ADSS1: variants seen among roughly 807,000 people sequenced by gnomAD.
ADSS1 encodes adenylosuccinate synthase 1, also known as adenylosuccinate synthetase isozyme 1.
Under a neutral mutation model 59.1 loss-of-function variants are expected in ADSS1, and 57 were observed. The ratio of observed to expected loss-of-function variants is 0.97; its 90% CI spans 0.78 to 1.20. ADSS1 has a LOEUF of 1.20. Ranked by LOEUF, ADSS1 falls within the 50% of genes most tolerant of loss-of-function variation. The pLI, the probability that ADSS1 is intolerant of heterozygous loss-of-function variation, is 0.00. For synonymous variants in ADSS1, 247 were observed against 249.4 expected (o/e 0.99, Z 0.09); for missense variants, 603 against 610.3 (o/e 0.99, Z 0.13).
In ADSS1 at chr14:104,738,391, T is replaced by C. The variant is rs2140796535; in HGVS notation, c.311T>C (p.Ile104Thr). ...TCTCATGCAGGCAACGGGGTGGTCA[T>C]CCACTTGCCAGGCTTGTTTGAGGAA... Reference protein sequence around the residue: ...AVSFIGNGVVIHLPGLFEEAE... With the variant: ...AVSFIGNGVVTHLPGLFEEAE... Residue 104 changes from isoleucine (I) to threonine (T), a missense_variant, in exon 3 of 13, where the codon ATC becomes ACC. By Grantham distance (89) the Ile-to-Thr change is moderately conservative. Coordinates refer to ENST00000330877, the MANE Select transcript of ADSS1 (RefSeq NM_152328.5). 6.2e-7 allele frequency: 1 copy of C among 1,613,998 alleles called. No individual in the cohort carries two copies. The highest frequency in any genetic ancestry group is 2.2e-5 in the East Asian group (1 of 44,870).
Position 104,740,521 on chromosome 14 carries a change from C to G in ADSS1, c.477-80C>G. 1 of 1,299,064 alleles carries G rather than the reference C, an allele frequency of 7.7e-7. No homozygotes were observed. Among genetic ancestry groups the G allele is most frequent in the Non-Finnish European group, 1.1e-6 (1 of 916,414 alleles). 80.5% of individuals were successfully genotyped at this position (1,299,064 alleles called of 1,614,324 possible). A position where few individuals can be genotyped will look rare whatever the true frequency, so the allele number is the denominator to read the frequency against. On this transcript the variant is annotated intron_variant, in intron 5 of 12. Coordinates refer to ENST00000330877, the MANE Select transcript of ADSS1 (RefSeq NM_152328.5). The surrounding 1 kb of genome is among the most constrained non-coding windows in gnomAD (Gnocchi z 4.8). ...GGTGGGCACTGGAGTCATGAGCCGG[C>G]GGGGGTCATGGCCTCAGTGGGATGC...
intron 1 of ADSS1, chr14:104,730,313 A>T: frequency 5.4e-6 from 7 of 1,288,204 alleles, no homozygotes; most frequent in Non-Finnish European, 7.2e-6. Flanking sequence ...GGCCAAGTGA[A>T]ACCCGGTTTC....
chr14:104,724,278 G>A lies in ADSS1; in HGVS notation c.8G>A (p.Gly3Glu). The change falls in exon 1 of 13, where the codon GGG becomes GAG. Residue 3 changes from glycine (G) to glutamate (E), a missense_variant. Coordinates refer to ENST00000330877, the MANE Select transcript of ADSS1 (RefSeq NM_152328.5). The stretch of plus-strand genomic sequence containing the variant: ...CGGAAGAGCCAAGCCAGCATGTCGG[G>A]GACCCGAGCCTCCAACGACCGGCCC... MS[G>E]TRASNDRPPG... is the part of the protein sequence containing the mutation. 2.4e-6 allele frequency: 3 copies of A among 1,229,852 alleles called. No homozygotes were observed. Among genetic ancestry groups the A allele is most frequent in the Non-Finnish European group, 3.0e-6 (3 of 985,230 alleles). 76.2% of individuals were successfully genotyped at this position (1,229,852 alleles called of 1,614,324 possible).
intron 3 of ADSS1, 142 bp from the exon 4 acceptor site, chr14:104,739,186 C>A: frequency 1.2e-6 from 1 of 807,320 alleles, no homozygotes; most frequent in Non-Finnish European, 2.0e-6. Flanking sequence ...GCTTGCTGCG[C>A]AACAGAGGTG....
chr14:104,737,988 T>C, intron 2 of ADSS1: 1 of 240,834 alleles, frequency 4.2e-6, no homozygotes, highest in South Asian at 5.0e-5. Flanking sequence ...TGGGTTGTTT[T>C]TTGTTGTTGT....
At chr14:104,730,247 A>C (rs1002943384) in intron 1 of ADSS1, 2 of 1,455,682 alleles carry the variant, frequency 1.4e-6, no homozygotes, top group Admixed American at 2.4e-5. Context: ...TAACTCCAGC[A>C]CTTTGGGAGG....
chr14:104,729,481 G>C (rs1180738530), intron 1 of ADSS1, among the ~76,000 whole-genome samples: 2 of 151,862 alleles, frequency 1.3e-5, no homozygotes. Flanking sequence ...CATGGCGTCG[G>C]CGTGGGAGGG....
chr14:104,738,749 G>A (rs1891218885), intron 3 of ADSS1, among the ~76,000 whole-genome samples: 1 of 152,228 alleles, frequency 6.6e-6, no homozygotes, highest in Admixed American at 6.5e-5. Flanking sequence ...AACTATGCCT[G>A]CAGGGAAGGA....
At chr14:104,730,060 C>A in intron 1 of ADSS1, 2 of 1,567,192 alleles carry the variant, frequency 1.3e-6, no homozygotes, top group Non-Finnish European at 1.7e-6. Context: ...CAGCTCAGCC[C>A]ACCCCTCACC....
At chr14:104,725,733 T>A (rs1395137066) in intron 1 of ADSS1, among the ~76,000 whole-genome samples, 1 of 152,162 alleles carries the variant, frequency 6.6e-6, no homozygotes, top group East Asian at 1.9e-4. Context: ...AGGGGGCATG[T>A]CCAGCGCTCT....
intron 1 of ADSS1, among the ~76,000 whole-genome samples, chr14:104,734,357 C>T (rs1891039139): frequency 6.6e-6 from 1 of 152,234 alleles, no homozygotes; most frequent in Non-Finnish European, 1.5e-5. Context: ...TATCCTCTAG[C>T]TTCCACTGGC....
intron 11 of ADSS1, chr14:104,745,339 G>A (rs1595215429): frequency 6.2e-6 from 1 of 161,534 alleles, no homozygotes; most frequent in East Asian, 1.8e-4. Flanking sequence ...GCTTTGTGGC[G>A]AGATTTTTAA....
At position 104,746,374 on chromosome 14, in the gene ADSS1, T is replaced by A; in HGVS notation, c.1310T>A (p.Val437Glu). Residue 437 changes from valine (V) to glutamate (E), a missense_variant, in exon 12 of 13, where the codon GTG becomes GAG. Transcript: ENST00000330877. ...TACATCCGCTTTGTGGAGAATCACG[T>A]GGGAGTCGCAGGTGGGTGCCCTGCA... ...QNYIRFVENH[V>E]GVAVKWVGVG... The A allele has an allele frequency of 6.2e-7, 1 of 1,611,954 alleles. No individual in the cohort carries two copies. The highest frequency in any genetic ancestry group is 8.5e-7 in the Non-Finnish European group (1 of 1,178,770).
chr14:104,739,612 C>A, intron 4 of ADSS1, 138 bp from the exon 5 acceptor site: 3 of 1,033,876 alleles, frequency 2.9e-6, no homozygotes, highest in Non-Finnish European at 4.3e-6. Flanking sequence ...CATGGTCACA[C>A]CCCAGTTTGT....
intron 8 of ADSS1, 22 bp from the exon 9 acceptor site, chr14:104,741,826 C>T (rs1891369090): frequency 1.9e-6 from 3 of 1,612,380 alleles, no homozygotes; most frequent in Middle Eastern, 1.7e-4. Context: ...AGGTAGCCCC[C>T]TAAACCTGCT....
At chr14:104,726,722 A>T (rs1890727986) in intron 1 of ADSS1, among the ~76,000 whole-genome samples, 1 of 151,974 alleles carries the variant, frequency 6.6e-6, no homozygotes, top group Admixed American at 6.6e-5. Flanking sequence ...TCACCCTCTC[A>T]CTCAAGGGGC....
At chr14:104,734,467 T>A (rs144369173) in intron 1 of ADSS1, among the ~76,000 whole-genome samples, 1 of 152,362 alleles carries the variant, frequency 6.6e-6, no homozygotes, top group Non-Finnish European at 1.5e-5. Flanking sequence ...GATTGGAGCC[T>A]GCACATGCTA....
At chr14:104,736,881 G>GATTTTATATATAT (rs1254196679) in intron 2 of ADSS1, among the ~76,000 whole-genome samples, 2 of 106,600 alleles carry the variant, frequency 1.9e-5, no homozygotes, top group African/African-American at 7.1e-5. Flanking sequence ...GCACCTAGCT[G>GATTTTATATATAT]ATATATATAT....
chr14:104,746,398 C>A lies in ADSS1; in HGVS notation c.1321+13C>A. 1.2e-6 allele frequency: 2 copies of A among 1,605,856 alleles called. No homozygotes were observed. The highest frequency in any genetic ancestry group is 1.7e-6 in the Non-Finnish European group (2 of 1,174,876). ...GTGGGAGTCGCAGGTGGGTGCCCTG[C>A]ATCCCCAGCCACCCTCCCTGCACCC... On this transcript the variant is annotated intron_variant, in intron 12 of 12. Transcript: ENST00000330877.
Sources: gnomAD v4.1 joint callset for allele counts (sites outside exome capture counted in the v4.1 genomes callset) on GRCh38, gnomAD v4.1.1 for gene constraint, Gnocchi (gnomAD v3.1) non-coding constraint, MANE v1.5 for transcripts, NCBI Gene and HGNC (gene_info 2026-07-23, HGNC 2026-07-21) for gene names.